PARD3: variants seen among roughly 807,000 people sequenced by gnomAD.
PARD3 encodes the protein partitioning defective 3 homolog.
In PARD3, 75 loss-of-function variants were observed where a neutral mutation model predicts 155.4. The ratio of observed to expected loss-of-function variants is 0.48; its 90% CI spans 0.40 to 0.58. PARD3 has a LOEUF of 0.58. PARD3 is among the 20% of genes least tolerant of loss of function. The probability of loss-of-function intolerance (pLI) is 0.00; values close to 1 mark genes in which losing one functional copy is unlikely to be tolerated. For missense variants in PARD3, 1,642 were observed against 1,721.7 expected (o/e 0.95, Z 0.82); for synonymous variants, 576 against 610.5 (o/e 0.94, Z 0.83).
intron 5 of PARD3, among the ~76,000 whole-genome samples, chr10:34,420,829 T>C (rs1450852123): frequency 6.6e-6 from 1 of 152,182 alleles, no homozygotes; most frequent in Admixed American, 6.6e-5. Context: ...CAAAAATATA[T>C]GCATGTTAAC....
chr10:34,181,575 C>A (rs1326647212), intron 22 of PARD3, among the ~76,000 whole-genome samples: 2 of 152,130 alleles, frequency 1.3e-5, no homozygotes, highest in Non-Finnish European at 2.9e-5. Flanking sequence ...CTGTCATTTT[C>A]TCAATATGTG....
At chr10:34,767,109 G>C (rs1359753128) in intron 1 of PARD3, among the ~76,000 whole-genome samples, 1 of 152,100 alleles carries the variant, frequency 6.6e-6, no homozygotes, top group African/African-American at 2.4e-5. Context: ...GAAACCCTCT[G>C]GAGTTCAAGC....
chr10:34,466,216 G>T (rs2077996899), intron 4 of PARD3, among the ~76,000 whole-genome samples: 1 of 152,042 alleles, frequency 6.6e-6, no homozygotes, highest in Admixed American at 6.6e-5. Context: ...ATGAAAACAT[G>T]AAATATTTTA....
In PARD3 at chr10:34,481,796, GA is replaced by G. The variant is rs1183029680; in HGVS notation, c.404-11534del. Among the ~76,000 whole-genome samples the G allele has an allele frequency of 1.8e-4, 27 of 148,808 alleles. No individual in the cohort carries two copies. In the East Asian group the frequency reaches 2.3e-3, roughly 13 times the overall value. On this transcript the variant is annotated intron_variant, in intron 3 of 24. Coordinates refer to ENST00000374788, the MANE Select transcript of PARD3 (RefSeq NM_001184785.2). ...GAGAGTCATTTACTGTAGAAAAGTA[GA>G]AAAAAAAAATCACTCTAAAGTGAAT... is the stretch of plus-strand genomic sequence containing the variant.
chr10:34,303,414 A>G (rs1295963829), intron 20 of PARD3, among the ~76,000 whole-genome samples: 2 of 151,664 alleles, frequency 1.3e-5, no homozygotes, highest in Non-Finnish European at 2.9e-5. Flanking sequence ...AGATGTCATC[A>G]CTTTCTCAAT....
chr10:34,405,169 T>A (rs1024141938), intron 5 of PARD3, among the ~76,000 whole-genome samples: 8 of 151,926 alleles, frequency 5.3e-5, no homozygotes, highest in Non-Finnish European at 1.5e-5. Flanking sequence ...AAATCCTCCA[T>A]ATCACAAGCA....
intron 22 of PARD3, 29 bp from the exon 23 acceptor site, chr10:34,131,612 A>T: frequency 1.2e-6 from 2 of 1,606,958 alleles, no homozygotes; most frequent in Non-Finnish European, 1.7e-6. Context: ...AGCAGTGAAT[A>T]CCCTTCAGAA....
chr10:34,527,907 G>T (rs923794025), intron 2 of PARD3, among the ~76,000 whole-genome samples: 3 of 152,074 alleles, frequency 2.0e-5, no homozygotes, highest in South Asian at 2.1e-4. Context: ...GAGAGATAAC[G>T]GTGTCCTTGA....
chr10:34,264,386 T>G (rs1955188485), intron 22 of PARD3, among the ~76,000 whole-genome samples: 1 of 152,238 alleles, frequency 6.6e-6, no homozygotes, highest in African/African-American at 2.4e-5. Flanking sequence ...CCATTGAAAG[T>G]TGAGAAGCAT....
intron 2 of PARD3, among the ~76,000 whole-genome samples, chr10:34,599,112 C>A (rs1239569486): frequency 6.6e-6 from 1 of 152,168 alleles, no homozygotes; most frequent in East Asian, 1.9e-4. Context: ...CCACACTCCC[C>A]CAAACAAAAC....
chr10:34,288,914 C>G (rs74131675), intron 20 of PARD3, among the ~76,000 whole-genome samples: 4 of 152,262 alleles, frequency 2.6e-5, no homozygotes, highest in Admixed American at 2.6e-4. Flanking sequence ...TACACTGGTA[C>G]CTCAGGAAGA....
chr10:34,266,789 G>A (rs1033210400), intron 22 of PARD3, among the ~76,000 whole-genome samples: 4 of 152,108 alleles, frequency 2.6e-5, no homozygotes, highest in African/African-American at 9.7e-5. Flanking sequence ...CACAGTGCAG[G>A]GTACAGACTC....
intron 3 of PARD3, among the ~76,000 whole-genome samples, chr10:34,511,940 G>A (rs756788494): frequency 5.9e-5 from 9 of 151,980 alleles, no homozygotes; most frequent in Non-Finnish European, 1.0e-4. Context: ...TTACCAGCCC[G>A]GGCTGTTAAT....
chr10:34,521,786 G>C (rs959015758), intron 2 of PARD3, among the ~76,000 whole-genome samples: 1 of 152,140 alleles, frequency 6.6e-6, no homozygotes, highest in Non-Finnish European at 1.5e-5. Context: ...AAAACCCTTG[G>C]ATCTAGGGAA....
intron 21 of PARD3, among the ~76,000 whole-genome samples, chr10:34,276,676 C>T (rs184508973): frequency 6.6e-6 from 1 of 152,236 alleles, no homozygotes; most frequent in East Asian, 1.9e-4. Flanking sequence ...AGTGACCAAA[C>T]TCCTTAGGAT....
chr10:34,682,942 A>ATGG (rs1013038463), intron 2 of PARD3, among the ~76,000 whole-genome samples: 4 of 152,166 alleles, frequency 2.6e-5, no homozygotes, highest in Middle Eastern at 3.2e-3. Flanking sequence ...TAATTTGACA[A>ATGG]TGGTGGTGGT....
intron 5 of PARD3, among the ~76,000 whole-genome samples, chr10:34,438,881 G>C (rs1217808428): frequency 1.3e-5 from 2 of 152,202 alleles, no homozygotes; most frequent in African/African-American, 4.8e-5. Context: ...TGAAAGCTAA[G>C]TGGGAACCAA....
intron 22 of PARD3, among the ~76,000 whole-genome samples, chr10:34,186,370 A>G (rs1950495987): frequency 6.6e-6 from 1 of 151,384 alleles, no homozygotes; most frequent in African/African-American, 2.4e-5. Context: ...AAAAAAAAAA[A>G]AAAAAAGAAA....
In PARD3 at chr10:34,125,071, C is replaced by CTTTTTTTTTTTTTTTTT. The variant is rs71523316; in HGVS notation, c.3541-5332_3541-5331insAAAAAAAAAAAAAAAAA. ...GGCTTATCTCCAGGTCTATTTCTTTCTTTTTTTTTTTTTGAGACGGAGTCT... is the reference window on the plus strand; with the variant it reads ...GGCTTATCTCCAGGTCTATTTCTTTCTTTTTTTTTTTTTTTTTTTTTTTTTTTTTTGAGACGGAGTCT... On this transcript the variant is annotated intron_variant, in intron 23 of 24. Coordinates refer to ENST00000374788, the MANE Select transcript of PARD3 (RefSeq NM_001184785.2). Among the ~76,000 whole-genome samples the CTTTTTTTTTTTTTTTTT allele has an allele frequency of 3.3e-4, 47 of 140,634 alleles. 5 individuals are homozygous for CTTTTTTTTTTTTTTTTT. Among genetic ancestry groups the CTTTTTTTTTTTTTTTTT allele is most frequent in the African/African-American group, 1.3e-3 (45 of 35,904 alleles). The allele number at this position is 140,634 out of a possible 152,430, so 92.3% of individuals were successfully genotyped here. A position where few individuals can be genotyped will look rare whatever the true frequency, so the allele number is the denominator to read the frequency against.
Sources: allele counts gnomAD v4.1 joint callset (sites outside exome capture counted in the v4.1 genomes callset), GRCh38; gene constraint gnomAD v4.1.1; transcripts MANE v1.5; gene names NCBI Gene and HGNC (gene_info 2026-07-23, HGNC 2026-07-21).